The following PCMT1 variants were observed in gnomAD, a reference collection of about 807,000 sequenced individuals.
The protein encoded by PCMT1 is protein-L-isoaspartate(D-aspartate) O-methyltransferase.
In PCMT1, 9 loss-of-function variants were observed where a neutral mutation model predicts 29.2. The observed-to-expected ratio is 0.31, with a 90% confidence interval of 0.19 to 0.54. The LOEUF is 0.54. PCMT1 is among the 20% of genes least tolerant of loss of function. The pLI is 0.95. For synonymous variants in PCMT1, 98 were observed against 97.5 expected (o/e 1.00, Z -0.03); for missense variants, 184 against 282.2 (o/e 0.65, Z 2.49).
Position 149,768,244 on chromosome 6 carries a change from C to T in PCMT1, c.56-2918C>T, listed in dbSNP as rs1168519697. The stretch of plus-strand genomic sequence containing the variant: ...TAGCTGGGACCACAGGCACATGGCA[C>T]CACACCTGGCTAATTTTCAAATTTT... On this transcript the variant is annotated intron_variant, in intron 1 of 7. Coordinates refer to ENST00000464889, the MANE Select transcript of PCMT1 (RefSeq NM_001360452.2). Among the ~76,000 whole-genome samples, 3 of 151,820 alleles carry T rather than the reference C, an allele frequency of 2.0e-5. 1 individual carries two copies. The highest frequency in any genetic ancestry group is 4.4e-5 in the Non-Finnish European group (3 of 67,946).
At chr6:149,749,701 T>A (rs1446205665), upstream of PCMT1, 8 of 1,504,316 alleles carry the variant, frequency 5.3e-6, no homozygotes, top group African/African-American at 8.4e-5. Flanking sequence ...CCGCGCGGCG[T>A]CACAGAGCGC....
intron 1 of PCMT1, chr6:149,750,221 C>T (rs1786249025): frequency 1.1e-5 from 6 of 549,550 alleles, no homozygotes; most frequent in Non-Finnish European, 1.9e-5. Context: ...TCCCTGCAGG[C>T]CCTGGGGGAG....
rs1160672157 is a variant in PCMT1 at position 149,811,279 on chromosome 6, A to G, written c.*701A>G. The G allele has an allele frequency of 6.6e-6, 1 of 152,626 alleles. No individual in the cohort carries two copies. Among genetic ancestry groups the G allele is most frequent in the Non-Finnish European group, 1.5e-5 (1 of 68,086 alleles). The allele number at this position is 152,626 out of a possible 1,614,324, so 9.5% of individuals were successfully genotyped here. On this transcript the variant is annotated 3_prime_UTR_variant, in exon 8 of 8. Coordinates refer to ENST00000464889, the MANE Select transcript of PCMT1 (RefSeq NM_001360452.2). ...TCTCTCTCTCTCAAAATTATAGGAG[A>G]CTTGTAGTTTAGTGTGGTTTTCTGT...
At chr6:149,789,066 A>ATGTTT (rs1788240930) in intron 3 of PCMT1, among the ~76,000 whole-genome samples, 2 of 90,476 alleles carry the variant, frequency 2.2e-5, no homozygotes, top group African/African-American at 9.8e-5. Flanking sequence ...ATTGGATCTG[A>ATGTTT]TTTTTTTTTT....
intron 3 of PCMT1, among the ~76,000 whole-genome samples, chr6:149,775,690 A>G (rs1303526971): frequency 2.0e-5 from 3 of 152,234 alleles, no homozygotes; most frequent in South Asian, 2.1e-4. Flanking sequence ...CCTGGTTGAC[A>G]GAGACCCTCA....
At chr6:149,756,625 A>G (rs1173804185) in intron 1 of PCMT1, among the ~76,000 whole-genome samples, 2 of 144,778 alleles carry the variant, frequency 1.4e-5, no homozygotes, top group East Asian at 2.0e-4. Context: ...TCAGTCTCCA[A>G]TATTGCTGGG....
chr6:149,782,412 A>C (rs187424754), intron 3 of PCMT1, among the ~76,000 whole-genome samples: 1 of 152,316 alleles, frequency 6.6e-6, no homozygotes, highest in East Asian at 1.9e-4. Context: ...ATATTTTCCA[A>C]ACCTGTAAAG....
At chr6:149,805,624 C>A (rs1342545959) in intron 7 of PCMT1, among the ~76,000 whole-genome samples, 1 of 149,656 alleles carries the variant, frequency 6.7e-6, no homozygotes, top group Non-Finnish European at 1.5e-5. Flanking sequence ...TCTTTTTGAC[C>A]TTCAAAGTTT....
At chr6:149,788,625 T>C (rs1788221189) in intron 3 of PCMT1, among the ~76,000 whole-genome samples, 1 of 152,254 alleles carries the variant, frequency 6.6e-6, no homozygotes, top group African/African-American at 2.4e-5. Flanking sequence ...GATGTCAGTG[T>C]GTCCCATAAT....
At chr6:149,776,856 A>G (rs991788333) in intron 3 of PCMT1, among the ~76,000 whole-genome samples, 8 of 152,138 alleles carry the variant, frequency 5.3e-5, no homozygotes, top group Admixed American at 6.5e-5. Flanking sequence ...TTTGTGTGGG[A>G]GAGTACATTG....
At position 149,749,812 on chromosome 6, in the gene PCMT1, G is replaced by C; in HGVS notation, c.-90G>C. 6.4e-7 allele frequency: 1 copy of C among 1,554,908 alleles called. No homozygotes were observed. Among genetic ancestry groups the C allele is most frequent in the Non-Finnish European group, 8.7e-7 (1 of 1,148,634 alleles). ...CGGGGACGCGAGCGGGGCGGTGACG[G>C]TGTGGGAGGTGGTCTCACTCTTGGG... On this transcript the variant is annotated 5_prime_UTR_variant, in exon 1 of 8. Coordinates refer to ENST00000464889, the MANE Select transcript of PCMT1 (RefSeq NM_001360452.2).
At chr6:149,755,709 T>C (rs1010596217) in intron 1 of PCMT1, among the ~76,000 whole-genome samples, 5 of 152,204 alleles carry the variant, frequency 3.3e-5, no homozygotes, top group African/African-American at 1.2e-4. Context: ...AGTCAGCTGA[T>C]ATTTTAGTGC....
At position 149,763,084 on chromosome 6, in the gene PCMT1, CTA is replaced by C. The variant is rs1244854597; in HGVS notation, c.56-8076_56-8075del. ...ATATATATATCTATGATATGTATAT[CTA>C]TGATATATATGATATATATATCTAT... On this transcript the variant is annotated intron_variant, in intron 1 of 7. Coordinates refer to ENST00000464889, the MANE Select transcript of PCMT1 (RefSeq NM_001360452.2). 1.4e-4 allele frequency among the ~76,000 whole-genome samples: 9 copies of C among 62,884 alleles called. 3 individuals carry two copies. In the East Asian group the frequency reaches 5.4e-3, roughly 37 times the overall value. The allele number at this position is 62,884 out of a possible 152,430, so 41.3% of individuals were successfully genotyped here. A position where few individuals can be genotyped will look rare whatever the true frequency, so the allele number is the denominator to read the frequency against.
chr6:149,789,706 T>C (rs1360772755), intron 3 of PCMT1, among the ~76,000 whole-genome samples: 1 of 123,392 alleles, frequency 8.1e-6, no homozygotes, highest in East Asian at 3.1e-4. Context: ...CTTTTAATTT[T>C]TTTACTGAAT....
intron 1 of PCMT1, among the ~76,000 whole-genome samples, chr6:149,750,632 C>CA (rs1317096857): frequency 6.6e-6 from 1 of 152,138 alleles, no homozygotes; most frequent in African/African-American, 2.4e-5. Context: ...GGAGCCTTTG[C>CA]AGGTCCTGGA....
chr6:149,805,676 G>C (rs555632413), intron 7 of PCMT1, among the ~76,000 whole-genome samples: 221 of 151,888 alleles, frequency 1.5e-3, no homozygotes, highest in Non-Finnish European at 2.6e-3. Context: ...AGTGGCTCAC[G>C]CCTGTAATCC....
At chr6:149,809,515 A>G (rs1388877298) in intron 7 of PCMT1, among the ~76,000 whole-genome samples, 1 of 152,104 alleles carries the variant, frequency 6.6e-6, no homozygotes, top group Non-Finnish European at 1.5e-5. Flanking sequence ...ACTATAGGAT[A>G]AAGGCAGCTT....
chr6:149,771,947 G>A, intron 2 of PCMT1: 2 of 456,118 alleles, frequency 4.4e-6, no homozygotes, highest in South Asian at 1.6e-5. Flanking sequence ...TTAAATAAGT[G>A]TGCTTAAGTT....
intron 1 of PCMT1, among the ~76,000 whole-genome samples, chr6:149,769,130 T>A (rs556941489): frequency 1.3e-5 from 2 of 152,066 alleles, no homozygotes; most frequent in East Asian, 3.9e-4. Flanking sequence ...CTTTTTACAT[T>A]AGATTTGAAT....
Sources: allele counts gnomAD v4.1 joint callset (sites outside exome capture counted in the v4.1 genomes callset), GRCh38; gene constraint gnomAD v4.1.1; transcripts MANE v1.5; gene names NCBI Gene and HGNC (gene_info 2026-07-23, HGNC 2026-07-21).